The following RPTOR variants were observed in gnomAD, a reference collection of about 807,000 sequenced individuals.
The protein encoded by RPTOR is regulatory-associated protein of mTOR.
In RPTOR, 21 loss-of-function variants were observed where a neutral mutation model predicts 169.9. The observed-to-expected ratio is 0.12, with a 90% CI of 0.09 to 0.18. RPTOR has a LOEUF of 0.18. Ranked by LOEUF, RPTOR falls within the 10% of genes least tolerant of loss-of-function variation. RPTOR has a pLI of 1.00. For synonymous variants in RPTOR, 732 were observed against 753.2 expected, an observed-to-expected ratio of 0.97 and a Z score of 0.46; for missense variants, 1,133 against 1,855.9, an observed-to-expected ratio of 0.61 and a Z score of 7.16.
intron 3 of RPTOR, among the ~76,000 whole-genome samples, chr17:80,656,229 C>G (rs182925291): frequency 6.6e-6 from 1 of 152,198 alleles, no homozygotes; most frequent in African/African-American, 2.4e-5. Context: ...TGCCACCACA[C>G]CCGGCTAATT....
At chr17:80,597,110 C>T (rs575336106) in intron 1 of RPTOR, among the ~76,000 whole-genome samples, 7 of 152,214 alleles carry the variant, frequency 4.6e-5, no homozygotes, top group East Asian at 3.9e-4. Context: ...AAAACAGGGA[C>T]GCACAGAAAG....
chr17:80,893,281 AGGGTGTGTGTGCGCC>A (rs1357938870), intron 19 of RPTOR, among the ~76,000 whole-genome samples: 1 of 141,816 alleles, frequency 7.1e-6, no homozygotes, highest in Non-Finnish European at 1.5e-5. Context: ...CGTGTGTACC[AGGGTGTGTGTGCGCC>A]GGGTGTGTGT....
chr17:80,703,895 C>T (rs1325966640), intron 3 of RPTOR, among the ~76,000 whole-genome samples: 1 of 152,234 alleles, frequency 6.6e-6, no homozygotes, highest in Non-Finnish European at 1.5e-5. Context: ...ATGTGGCCTG[C>T]TGCTTAGACT....
chr17:80,820,094 C>T lies in RPTOR; in HGVS notation c.891-2107C>T, dbSNP rs905369986. ...CAGGATGCTGAAGATCAGCAACTCC[C>T]GTGTCCTCCTTCCTTGCACAGTCGG... On this transcript the variant is annotated intron_variant, in intron 7 of 33. Transcript: ENST00000306801. The surrounding 1 kb of genome is among the most constrained non-coding windows in gnomAD (Gnocchi z 4.1). 2.6e-5 allele frequency among the ~76,000 whole-genome samples: 4 copies of T among 152,108 alleles called. No individual in the cohort carries two copies. Among genetic ancestry groups the T allele is most frequent in the East Asian group, 3.9e-4 (2 of 5,186 alleles).
chr17:80,703,206 A>G (rs1225669584), intron 3 of RPTOR, among the ~76,000 whole-genome samples: 5 of 152,200 alleles, frequency 3.3e-5, no homozygotes, highest in Admixed American at 3.3e-4. Flanking sequence ...TTAGACTCCG[A>G]AATCTCGAGT....
At chr17:80,933,046 A>G (rs2068916847) in intron 24 of RPTOR, among the ~76,000 whole-genome samples, 1 of 152,248 alleles carries the variant, frequency 6.6e-6, no homozygotes, top group South Asian at 2.1e-4. Flanking sequence ...TGTACACACA[A>G]AAATATCTTT....
chr17:80,876,652 T>C (rs1328669284), intron 13 of RPTOR, among the ~76,000 whole-genome samples: 7 of 123,534 alleles, frequency 5.7e-5, no homozygotes, highest in Admixed American at 1.6e-4. Flanking sequence ...ACCGAGCCCG[T>C]GCCACGCAGG....
At chr17:80,911,825 G>T (rs1385641814) in intron 21 of RPTOR, among the ~76,000 whole-genome samples, 1 of 152,160 alleles carries the variant, frequency 6.6e-6, no homozygotes, top group Non-Finnish European at 1.5e-5. Context: ...TACACATTAT[G>T]GTCTGAGACC....
In RPTOR at chr17:80,557,559, AGG is replaced by A. The variant is rs1381800710; in HGVS notation, c.162+11769_162+11770del. Among the ~76,000 whole-genome samples the A allele has an allele frequency of 5.0e-3, 759 of 152,228 alleles. 2 individuals carry two copies. Among genetic ancestry groups the A allele is most frequent in the Non-Finnish European group, 7.9e-3 (540 of 68,026 alleles). ...CAATAAATCAATAAATACAAAAATA[AGG>A]AGGTATTTTGGTCATCTACAATACT... is the stretch of plus-strand genomic sequence containing the variant. On this transcript the variant is annotated intron_variant, in intron 1 of 33. Coordinates refer to ENST00000306801, the MANE Select transcript of RPTOR (RefSeq NM_020761.3).
intron 29 of RPTOR, among the ~76,000 whole-genome samples, chr17:80,958,821 G>A (rs1598426071): frequency 6.6e-6 from 1 of 152,228 alleles, no homozygotes. Context: ...ACCTAAGCAG[G>A]CCGCGCTCAG....
Position 80,959,993 on chromosome 17 carries a change from G to A in RPTOR, c.3478-85G>A, listed in dbSNP as rs1270322531. On this transcript the variant is annotated intron_variant, in intron 29 of 33. Transcript: ENST00000306801. The surrounding 1 kb of genome is among the most constrained non-coding windows in gnomAD (Gnocchi z 6.7). Reference sequence around the variant, plus strand: ...GGTGATCCCCACAGCCAGGCAGGCAGCAAGAGGGGTCCTGGCGCTGCAGGA... The same window carrying A: ...GGTGATCCCCACAGCCAGGCAGGCAACAAGAGGGGTCCTGGCGCTGCAGGA... The A allele has an allele frequency of 4.5e-6, 7 of 1,543,594 alleles. No individual in the cohort carries two copies. Among genetic ancestry groups the A allele is most frequent in the Non-Finnish European group, 6.2e-6 (7 of 1,129,314 alleles).
chr17:80,739,085 G>A (rs12943681), intron 5 of RPTOR, among the ~76,000 whole-genome samples: 26,463 of 152,188 alleles, frequency 0.17, 2,732 homozygotes, highest in East Asian at 0.24. Context: ...GCAGACTGGG[G>A]CACTGTGATC....
At chr17:80,575,950 A>G (rs931177544) in intron 1 of RPTOR, among the ~76,000 whole-genome samples, 8 of 152,180 alleles carry the variant, frequency 5.3e-5, no homozygotes, top group African/African-American at 1.9e-4. Flanking sequence ...ATTGGAGTCT[A>G]TATTGTTGTA....
At chr17:80,879,612 T>C (rs990440374) in intron 13 of RPTOR, among the ~76,000 whole-genome samples, 19 of 152,188 alleles carry the variant, frequency 1.2e-4, no homozygotes, top group Non-Finnish European at 1.9e-4. Context: ...AAGCACCCTA[T>C]GGTGCCTCTC....
intron 6 of RPTOR, among the ~76,000 whole-genome samples, chr17:80,759,023 G>A (rs576452648): frequency 1.9e-4 from 29 of 151,714 alleles, no homozygotes; most frequent in African/African-American, 6.5e-4. Context: ...CCATGAGTGG[G>A]AAGGACTTGG....
At position 80,708,070 on chromosome 17, in the gene RPTOR, C is replaced by T. The variant is rs968463377; in HGVS notation, c.507+71C>T. 1 of 1,451,588 alleles carries T rather than the reference C, an allele frequency of 6.9e-7. No individual in the cohort carries two copies. 89.9% of individuals were successfully genotyped at this position (1,451,588 alleles called of 1,614,324 possible). ...GCCAATTGCGGTGGTCGGAGCAGGTCCTGCCCATCCGTAGCTTCTGTTAAG... is the reference window on the plus strand; with the variant it reads ...GCCAATTGCGGTGGTCGGAGCAGGTTCTGCCCATCCGTAGCTTCTGTTAAG... On this transcript the variant is annotated intron_variant, in intron 4 of 33. Transcript: ENST00000306801. The surrounding 1 kb of genome is among the most constrained non-coding windows in gnomAD (Gnocchi z 4.2).
At chr17:80,887,031 G>A in intron 17 of RPTOR, among the ~76,000 whole-genome samples, 1 of 152,132 alleles carries the variant, frequency 6.6e-6, no homozygotes, top group Non-Finnish European at 1.5e-5. Flanking sequence ...TGGAGGGGCA[G>A]CTCTTACCTG....
chr17:80,790,003 T>C (rs1185925970), intron 6 of RPTOR, among the ~76,000 whole-genome samples: 2 of 152,192 alleles, frequency 1.3e-5, no homozygotes, highest in African/African-American at 2.4e-5. Context: ...GAAAATGCAT[T>C]TCCTGTAGAT....
chr17:80,949,201 C>T (rs2069141867), intron 27 of RPTOR, among the ~76,000 whole-genome samples: 2 of 152,142 alleles, frequency 1.3e-5, no homozygotes, highest in African/African-American at 2.4e-5. Context: ...CAGGGTGGGA[C>T]AGGATTGTGG....
Sources: allele counts gnomAD v4.1 joint callset (sites outside exome capture counted in the v4.1 genomes callset), GRCh38; gene constraint gnomAD v4.1.1; non-coding constraint Gnocchi (gnomAD v3.1); transcripts MANE v1.5; gene names NCBI Gene and HGNC (gene_info 2026-07-23, HGNC 2026-07-21).